Variants in AFF3 observed in about 807,000 individuals in gnomAD.
AFF3 encodes the protein AF4/FMR2 family member 3.
AFF3 carries 32 observed loss-of-function variants against 129.7 expected under a neutral mutation model. The ratio of observed to expected loss-of-function variants is 0.25; its 90% confidence interval spans 0.19 to 0.33. The LOEUF (loss-of-function observed/expected upper bound fraction) is 0.33, where lower values mean the gene tolerates loss of function less well. Ranked by LOEUF, AFF3 falls within the 10% of genes least tolerant of loss-of-function variation. AFF3 has a pLI of 1.00. For synonymous variants in AFF3, 644 were observed against 635.4 expected, an observed-to-expected ratio of 1.01 and a Z score of -0.20; for missense variants, 1,373 against 1,592.0, an observed-to-expected ratio of 0.86 and a Z score of 2.34.
intron 12 of AFF3, among the ~76,000 whole-genome samples, chr2:99,663,331 A>G (rs1185140440): frequency 6.6e-6 from 1 of 152,244 alleles, no homozygotes; most frequent in Non-Finnish European, 1.5e-5. Flanking sequence ...AGGAAACCAA[A>G]GGAAACAGCA....
intron 8 of AFF3, among the ~76,000 whole-genome samples, chr2:99,810,641 AGTGT>A (rs58509014): frequency 6.6e-6 from 1 of 151,062 alleles, no homozygotes. Flanking sequence ...CAAGTGTGTG[AGTGT>A]GTGTGTGTGT....
chr2:99,739,315 G>A (rs1178155532), intron 10 of AFF3, among the ~76,000 whole-genome samples: 3 of 151,992 alleles, frequency 2.0e-5, no homozygotes, highest in African/African-American at 4.8e-5. Context: ...TTTTTCAGTA[G>A]GGTTTTATTA....
intron 8 of AFF3, among the ~76,000 whole-genome samples, chr2:99,813,442 A>G (rs954847823): frequency 5.9e-5 from 9 of 151,806 alleles, no homozygotes; most frequent in Non-Finnish European, 1.2e-4. Context: ...CTAGGTCTTA[A>G]TAAGAATTCA....
At chr2:100,104,800 C>CGG (rs1268112166) in intron 3 of AFF3, 4 of 253,926 alleles carry the variant, frequency 1.6e-5, no homozygotes, top group Non-Finnish European at 1.6e-5. Flanking sequence ...GCTGCTGCAG[C>CGG]CGCCGCCGCC....
chr2:99,937,148 AAT>A (rs1394237700), intron 7 of AFF3, among the ~76,000 whole-genome samples: 3 of 152,156 alleles, frequency 2.0e-5, no homozygotes, highest in Non-Finnish European at 4.4e-5. Flanking sequence ...GAGCATCCCA[AAT>A]CCATAAATTT....
At chr2:99,598,327 A>C (rs1679490143) in intron 14 of AFF3, among the ~76,000 whole-genome samples, 1 of 152,190 alleles carries the variant, frequency 6.6e-6, no homozygotes, top group African/African-American at 2.4e-5. Flanking sequence ...GTGCAAAAGC[A>C]ACTTCTCCTG....
chr2:100,004,411 T>C (rs1274404506), intron 7 of AFF3, among the ~76,000 whole-genome samples: 1 of 152,236 alleles, frequency 6.6e-6, no homozygotes, highest in East Asian at 1.9e-4. Flanking sequence ...ATCTGGTTGA[T>C]AAAATTCTTC....
chr2:99,990,981 G>A (rs985737150), intron 7 of AFF3, among the ~76,000 whole-genome samples: 2 of 152,124 alleles, frequency 1.3e-5, no homozygotes, highest in African/African-American at 4.8e-5. Flanking sequence ...ATACCAATCT[G>A]TGGTGTGTAC....
At chr2:100,123,767 C>T (rs1692075687) in intron 2 of AFF3, among the ~76,000 whole-genome samples, 1 of 152,128 alleles carries the variant, frequency 6.6e-6, no homozygotes, top group Admixed American at 6.6e-5. Context: ...AGAGCCAAAA[C>T]ATAGACCTGC....
In AFF3 at chr2:99,827,504, A is replaced by G. The variant is rs563321709; in HGVS notation, c.921+9973T>C. On this transcript the variant is annotated intron_variant, in intron 8 of 24. Transcript: ENST00000672756. ...CAAGCCTGGGGTGGTAACCTCAGTA[A>G]AAGCCATTTCAGGAAGGAAGGTGGT... Among the ~76,000 whole-genome samples, 17 of 152,184 alleles carry G rather than the reference A, an allele frequency of 1.1e-4. 1 individual carries two copies. The East Asian group carries it at 3.1e-3, about 28-fold the overall frequency.
rs1365757795 is a variant in AFF3, at chr2:99,593,933, G to A, written c.1728C>T (p.Pro576=). Reference sequence around the variant, plus strand: ...TGCCCGCGGACCTCCGGGCAGGCGCGGGCGCGTTCTCCGCGGGCGCACAGG... The same window carrying A: ...TGCCCGCGGACCTCCGGGCAGGCGCAGGCGCGTTCTCCGCGGGCGCACAGG... The part of the protein sequence containing the change: ...AVPCAPAENA[P]APARRSAGKK... Residue 576 remains proline (P), a synonymous_variant, in exon 15 of 25, where the codon CCC becomes CCT. Transcript: ENST00000672756. The A allele has an allele frequency of 6.4e-6, 9 of 1,405,628 alleles. No homozygotes were observed. The African/African-American group carries it at 9.1e-5, about 14-fold the overall frequency. 87.1% of individuals were successfully genotyped at this position (1,405,628 alleles called of 1,614,324 possible).
At chr2:99,822,870 C>T (rs544705869) in intron 8 of AFF3, among the ~76,000 whole-genome samples, 63 of 152,174 alleles carry the variant, frequency 4.1e-4, no homozygotes, top group African/African-American at 1.3e-3. Flanking sequence ...GGGCTCCTGG[C>T]GACTTCAGCA....
At chr2:99,647,375 C>T (rs957784591) in intron 13 of AFF3, among the ~76,000 whole-genome samples, 7 of 152,152 alleles carry the variant, frequency 4.6e-5, no homozygotes, top group Non-Finnish European at 1.0e-4. Context: ...CCATTATCCT[C>T]AGCAAACTAA....
chr2:99,566,057 G>A (rs72966203), intron 19 of AFF3, among the ~76,000 whole-genome samples: 6,070 of 152,160 alleles, frequency 0.04, 181 homozygotes, highest in Admixed American at 0.1. Context: ...TCTAGGCCTT[G>A]GTTATTATCT....
chr2:99,863,720 G>T (rs1392593071), intron 7 of AFF3, among the ~76,000 whole-genome samples: 1 of 152,184 alleles, frequency 6.6e-6, no homozygotes, highest in Non-Finnish European at 1.5e-5. Context: ...AGTGCGGCAA[G>T]AATGCATGAG....
intron 10 of AFF3, among the ~76,000 whole-genome samples, chr2:99,727,782 G>A (rs1307140333): frequency 6.6e-6 from 1 of 151,996 alleles, no homozygotes; most frequent in Non-Finnish European, 1.5e-5. Context: ...GGCTGGTCTC[G>A]AACTCCTGAC....
intron 13 of AFF3, among the ~76,000 whole-genome samples, chr2:99,616,799 T>G (rs1434875957): frequency 6.6e-6 from 1 of 152,102 alleles, no homozygotes; most frequent in Non-Finnish European, 1.5e-5. Context: ...CAATTCCCAT[T>G]CTTCCCACTC....
chr2:99,673,222 T>C (rs1687322603), intron 11 of AFF3, among the ~76,000 whole-genome samples: 1 of 151,840 alleles, frequency 6.6e-6, no homozygotes, highest in Non-Finnish European at 1.5e-5. Flanking sequence ...GCCATAAACT[T>C]GAGTTGTGAG....
intron 7 of AFF3, among the ~76,000 whole-genome samples, chr2:99,945,744 A>AC (rs996928990): frequency 1.2e-4 from 18 of 152,204 alleles, no homozygotes; most frequent in African/African-American, 4.3e-4. Flanking sequence ...GCTCAGCTCT[A>AC]AACTCTGAGA....
Sources: allele counts gnomAD v4.1 joint callset (sites outside exome capture counted in the v4.1 genomes callset), GRCh38; gene constraint gnomAD v4.1.1; transcripts MANE v1.5; gene names NCBI Gene and HGNC (gene_info 2026-07-23, HGNC 2026-07-21).